The following PTPRD variants were observed in gnomAD, a reference collection of about 807,000 sequenced individuals.
PTPRD encodes receptor-type tyrosine-protein phosphatase delta.
In PTPRD, 34 loss-of-function variants were observed where a neutral mutation model predicts 214.5. The ratio of observed to expected loss-of-function variants is 0.16; its 90% confidence interval spans 0.12 to 0.21. PTPRD has a LOEUF of 0.21. Among genes scored for constraint, PTPRD ranks in the 10% least tolerant of loss-of-function variants. PTPRD has a pLI of 1.00. For missense variants in PTPRD, 2,545 were observed against 2,398.7 expected (o/e 1.06, Z -1.27); for synonymous variants, 1,128 against 845.7 (o/e 1.33, Z -5.79).
At position 10,585,863 on chromosome 9, in the gene PTPRD, T is replaced by C. The variant is rs371817954; in HGVS notation, c.-600+26535A>G. Reference sequence around the variant, plus strand: ...GATTTTAGTTTACAAAAATAACCTATTTTACACATTTAAAAACAACATGCA... The same window carrying C: ...GATTTTAGTTTACAAAAATAACCTACTTTACACATTTAAAAACAACATGCA... On this transcript the variant is annotated intron_variant, in intron 2 of 45. Transcript: ENST00000381196. Among the ~76,000 whole-genome samples the C allele has an allele frequency of 1.8e-4, 28 of 152,116 alleles. No individual in the cohort carries two copies. The South Asian group carries it at 5.4e-3, about 29-fold the overall frequency.
At chr9:10,591,452 C>G (rs2075423959) in intron 2 of PTPRD, among the ~76,000 whole-genome samples, 1 of 151,962 alleles carries the variant, frequency 6.6e-6, no homozygotes, top group African/African-American at 2.4e-5. Context: ...GATGTGAACA[C>G]AGGATGAAAA....
intron 11 of PTPRD, among the ~76,000 whole-genome samples, chr9:8,998,743 C>A (rs1418142870): frequency 6.6e-6 from 1 of 151,960 alleles, no homozygotes; most frequent in African/African-American, 2.4e-5. Context: ...AATCTAAAAC[C>A]TTCTGGAAAG....
intron 2 of PTPRD, among the ~76,000 whole-genome samples, chr9:10,470,282 AAAAT>A (rs1440380953): frequency 2.6e-5 from 4 of 152,120 alleles, no homozygotes; most frequent in Non-Finnish European, 5.9e-5. Context: ...ACAAAAATAA[AAAAT>A]AAAGCTCAGG....
intron 5 of PTPRD, among the ~76,000 whole-genome samples, chr9:9,802,421 A>G (rs947545874): frequency 1.3e-5 from 2 of 151,924 alleles, no homozygotes; most frequent in Non-Finnish European, 2.9e-5. Flanking sequence ...ACTACCTTAT[A>G]TTAGGCCATA....
At chr9:9,679,046 C>G (rs1438277801) in intron 7 of PTPRD, among the ~76,000 whole-genome samples, 1 of 150,272 alleles carries the variant, frequency 6.7e-6, no homozygotes, top group Non-Finnish European at 1.5e-5. Context: ...TAGAAATTGT[C>G]TTTAAAGCTT....
At chr9:10,557,349 T>C (rs833415) in intron 2 of PTPRD, among the ~76,000 whole-genome samples, 25,396 of 152,002 alleles carry the variant, frequency 0.17, 2,896 homozygotes, top group East Asian at 0.51. Flanking sequence ...GCAGAGAGAG[T>C]GAATACCTGT....
intron 2 of PTPRD, among the ~76,000 whole-genome samples, chr9:10,517,123 C>G (rs147712621): frequency 9.3e-4 from 141 of 151,990 alleles, no homozygotes; most frequent in Middle Eastern, 3.4e-3. Context: ...TGAATTTTGA[C>G]AGATATTGCA....
At chr9:10,398,882 T>C (rs376876919) in intron 2 of PTPRD, among the ~76,000 whole-genome samples, 2 of 151,974 alleles carry the variant, frequency 1.3e-5, no homozygotes, top group East Asian at 1.9e-4. Flanking sequence ...AAATAACTTA[T>C]CTAAGATCAG....
chr9:10,221,636 A>C (rs1423709011), intron 3 of PTPRD, among the ~76,000 whole-genome samples: 1 of 152,014 alleles, frequency 6.6e-6, no homozygotes, highest in Non-Finnish European at 1.5e-5. Context: ...ATTAGAGTTG[A>C]GGGATTTCTC....
intron 11 of PTPRD, among the ~76,000 whole-genome samples, chr9:8,762,101 T>A (rs963895275): frequency 6.6e-6 from 1 of 152,028 alleles, no homozygotes; most frequent in African/African-American, 2.4e-5. Context: ...GTTTAGGGGA[T>A]GTGTGTGTGT....
chr9:9,957,251 G>A (rs982659343), intron 4 of PTPRD, among the ~76,000 whole-genome samples: 1 of 152,032 alleles, frequency 6.6e-6, no homozygotes, highest in South Asian at 2.1e-4. Context: ...CTCTTTTTAA[G>A]ATATCTCATA....
At chr9:9,591,170 G>C (rs1478283828) in intron 7 of PTPRD, among the ~76,000 whole-genome samples, 1 of 151,794 alleles carries the variant, frequency 6.6e-6, no homozygotes, top group African/African-American at 2.4e-5. Context: ...GAATTCTCTG[G>C]CTGTGGTTAG....
rs531376476 is a variant in PTPRD at position 10,383,327 on chromosome 9, G to A, written c.-599-42310C>T. Among the ~76,000 whole-genome samples the A allele has an allele frequency of 5.9e-5, 9 of 151,888 alleles. No individual in the cohort carries two copies. The East Asian group carries it at 1.8e-3, about 30-fold the overall frequency. On this transcript the variant is annotated intron_variant, in intron 2 of 45. Coordinates refer to ENST00000381196, the MANE Select transcript of PTPRD (RefSeq NM_002839.4). ...AGCAATTTTAGGTTAAAAAGAGAAT[G>A]CCTTTAATTAAAATCACCTTTAATA...
chr9:9,416,983 T>C (rs2077178305), intron 8 of PTPRD, among the ~76,000 whole-genome samples: 1 of 152,196 alleles, frequency 6.6e-6, no homozygotes, highest in Non-Finnish European at 1.5e-5. Flanking sequence ...GGGTTTCTAC[T>C]AACAGCTTAT....
intron 9 of PTPRD, among the ~76,000 whole-genome samples, chr9:9,287,609 A>G (rs536258165): frequency 7.9e-5 from 12 of 152,012 alleles, no homozygotes; most frequent in African/African-American, 2.4e-4. Flanking sequence ...TTGTGGATAG[A>G]TATGATGGCT....
At chr9:10,355,464 T>C (rs1028834624) in intron 2 of PTPRD, among the ~76,000 whole-genome samples, 1 of 151,690 alleles carries the variant, frequency 6.6e-6, no homozygotes, top group African/African-American at 2.4e-5. Flanking sequence ...TAGAAAATAC[T>C]GCTATATTTC....
At chr9:8,756,566 C>A (rs1450686493) in intron 11 of PTPRD, among the ~76,000 whole-genome samples, 1 of 152,048 alleles carries the variant, frequency 6.6e-6, no homozygotes, top group Non-Finnish European at 1.5e-5. Context: ...GGAAACAATA[C>A]TGGGCTATTT....
At chr9:8,600,027 A>C (rs1417352025) in intron 14 of PTPRD, among the ~76,000 whole-genome samples, 1 of 152,138 alleles carries the variant, frequency 6.6e-6, no homozygotes, top group Non-Finnish European at 1.5e-5. Context: ...GACAGTGGTG[A>C]ATTGCCCACG....
chr9:9,361,524 CT>C (rs992558722), intron 9 of PTPRD, among the ~76,000 whole-genome samples: 12 of 149,524 alleles, frequency 8.0e-5, no homozygotes, highest in East Asian at 2.0e-4. Context: ...TACTGTTGAT[CT>C]TTTTTTTTAT....
Sources: gnomAD v4.1 joint callset for allele counts (sites outside exome capture counted in the v4.1 genomes callset) on GRCh38, gnomAD v4.1.1 for gene constraint, MANE v1.5 for transcripts, NCBI Gene and HGNC (gene_info 2026-07-23, HGNC 2026-07-21) for gene names.